EREG: variants seen among roughly 807,000 people sequenced by gnomAD.
EREG encodes epiregulin.
Under a neutral mutation model 22.4 loss-of-function variants are expected in EREG, and 23 were observed. The ratio of observed to expected loss-of-function variants is 1.03; its 90% confidence interval spans 0.74 to 1.46. EREG has a LOEUF of 1.46. EREG is among the 40% of genes most tolerant of loss of function. EREG has a pLI of 0.00. For synonymous variants in EREG, 100 were observed against 75.4 expected, an observed-to-expected ratio of 1.33 and a Z score of -1.69; for missense variants, 226 against 205.9, an observed-to-expected ratio of 1.10 and a Z score of -0.60.
At chr4:74,367,745 T>C (rs1752210585) in intron 1 of EREG, among the ~76,000 whole-genome samples, 1 of 152,164 alleles carries the variant, frequency 6.6e-6, no homozygotes, top group African/African-American at 2.4e-5. Flanking sequence ...AGATGACAAA[T>C]CTTGTCAGAA....
Position 74,384,866 on chromosome 4 carries a change from C to A in EREG, c.*58C>A. On this transcript the variant is annotated 3_prime_UTR_variant, in exon 5 of 5. Coordinates refer to ENST00000244869, the MANE Select transcript of EREG (RefSeq NM_001432.3). ...AGTGTGCCTGGTTAATATTAATATT[C>A]CCATTTTATTAATAATATTTATGTT... 1 of 937,308 alleles carries A rather than the reference C, an allele frequency of 1.1e-6. No homozygotes were observed. The highest frequency in any genetic ancestry group is 1.5e-5 in the South Asian group (1 of 65,948). The allele number at this position is 937,308 out of a possible 1,614,324, so 58.1% of individuals were successfully genotyped here.
intron 1 of EREG, among the ~76,000 whole-genome samples, chr4:74,373,281 A>G (rs991814908): frequency 1.3e-5 from 2 of 152,090 alleles, no homozygotes; most frequent in Non-Finnish European, 2.9e-5. Flanking sequence ...ATATATTAGC[A>G]TTTGAAGTAT....
At chr4:74,368,905 A>G (rs1336958665) in intron 1 of EREG, among the ~76,000 whole-genome samples, 1 of 152,158 alleles carries the variant, frequency 6.6e-6, no homozygotes, top group African/African-American at 2.4e-5. Context: ...GCAATTCTGG[A>G]ACCTTTGAAA....
intron 4 of EREG, among the ~76,000 whole-genome samples, chr4:74,383,061 T>G (rs891741629): frequency 2.0e-5 from 3 of 152,218 alleles, no homozygotes; most frequent in Admixed American, 2.0e-4. Flanking sequence ...TTGAAATTAT[T>G]TTTTAAAAAT....
At chr4:74,374,366 G>A (rs988062673) in intron 1 of EREG, among the ~76,000 whole-genome samples, 1 of 152,026 alleles carries the variant, frequency 6.6e-6, no homozygotes, top group Middle Eastern at 3.2e-3. Flanking sequence ...TGAGCCCTCA[G>A]TGCAATCCTT....
intron 1 of EREG, among the ~76,000 whole-genome samples, chr4:74,376,328 A>G (rs534189593): frequency 6.6e-6 from 1 of 152,306 alleles, no homozygotes; most frequent in South Asian, 2.1e-4. Flanking sequence ...AGAATTGGTA[A>G]TGTCTCCTCC....
In EREG at chr4:74,385,441, A is replaced by T. The variant is rs1170564115; in HGVS notation, c.*633A>T. The T allele has an allele frequency of 6.5e-6, 1 of 154,148 alleles. No individual in the cohort carries two copies. The highest frequency in any genetic ancestry group is 2.4e-5 in the African/African-American group (1 of 41,568). The allele number at this position is 154,148 out of a possible 1,614,324, so 9.5% of individuals were successfully genotyped here. A position where few individuals can be genotyped will look rare whatever the true frequency, so the allele number is the denominator to read the frequency against. ...GGGCAGTGGACAGTTCCCTATGCCAACTCACGACTCCTACAGGTACTAGTC... is the reference window on the plus strand; with the variant it reads ...GGGCAGTGGACAGTTCCCTATGCCATCTCACGACTCCTACAGGTACTAGTC... On this transcript the variant is annotated 3_prime_UTR_variant, in exon 5 of 5. Transcript: ENST00000244869.
intron 3 of EREG, 44 bp downstream of exon 3, chr4:74,381,181 T>G: frequency 6.3e-7 from 1 of 1,582,598 alleles, no homozygotes; most frequent in Non-Finnish European, 8.6e-7. Context: ...AAAATTTTGT[T>G]TTATAGATTT....
In EREG at chr4:74,384,737, C is replaced by T. The variant is rs376236920; in HGVS notation, c.439C>T (p.Arg147Ter). The T allele has an allele frequency of 3.6e-5, 58 of 1,608,878 alleles. No homozygotes were observed. Among genetic ancestry groups the T allele is most frequent in the South Asian group, 7.7e-5 (7 of 90,846 alleles). ...TGTGAATATTTCCAGGTACAGAAATCGAAAAAGTAAAGAACCAAAGAAGGA... is the reference window on the plus strand; with the variant it reads ...TGTGAATATTTCCAGGTACAGAAATTGAAAAAGTAAAGAACCAAAGAAGGA... ...TYYFCRWYRN[R>*]KSKEPKKEYE... The change falls in exon 5 of 5, where the codon CGA becomes TGA. Residue 147 changes from arginine to a stop codon, truncating the protein, a stop_gained. Transcript: ENST00000244869. LOFTEE classifies it high-confidence loss of function.
In EREG at chr4:74,385,588, A is replaced by T; in HGVS notation, c.*780A>T. 1 of 285,882 alleles carries T rather than the reference A, an allele frequency of 3.5e-6. No homozygotes were observed. The highest frequency in any genetic ancestry group is 6.4e-6 in the Non-Finnish European group (1 of 155,720). The allele number at this position is 285,882 out of a possible 1,614,324, so 17.7% of individuals were successfully genotyped here. ...TCCTTTTTTGTATATTACAACATTTATGTGAGGTAATTATTGCTCAACAGA... is the reference window on the plus strand; with the variant it reads ...TCCTTTTTTGTATATTACAACATTTTTGTGAGGTAATTATTGCTCAACAGA... On this transcript the variant is annotated 3_prime_UTR_variant, in exon 5 of 5. Transcript: ENST00000244869.
rs924906394 is a variant in EREG at position 74,385,767 on chromosome 4, A to C, written c.*959A>C. ...TTATTATTTTAAAATATATGAAGAC[A>C]ATAATTCTACATGTTGTCTTAAGAT... On this transcript the variant is annotated 3_prime_UTR_variant, in exon 5 of 5. Transcript: ENST00000244869. The C allele has an allele frequency of 5.1e-6, 2 of 388,886 alleles. No homozygotes were observed. The highest frequency in any genetic ancestry group is 9.1e-6 in the Non-Finnish European group (2 of 219,640). 24.1% of individuals were successfully genotyped at this position (388,886 alleles called of 1,614,324 possible).
chr4:74,365,680 T>TG (rs11410236), intron 1 of EREG, among the ~76,000 whole-genome samples: 1 of 150,050 alleles, frequency 6.7e-6, no homozygotes, highest in Non-Finnish European at 1.5e-5. Context: ...TTTTTTTTTT[T>TG]GAAAAGTTGC....
intron 1 of EREG, among the ~76,000 whole-genome samples, chr4:74,379,140 C>A (rs1355972718): frequency 1.3e-5 from 2 of 152,206 alleles, no homozygotes; most frequent in African/African-American, 4.8e-5. Flanking sequence ...AATTCTCCAA[C>A]TGATGTGCGT....
chr4:74,371,197 C>G (rs768920251), intron 1 of EREG, among the ~76,000 whole-genome samples: 4 of 151,976 alleles, frequency 2.6e-5, no homozygotes, highest in Non-Finnish European at 5.9e-5. Flanking sequence ...ATAAAATATA[C>G]TTTTTTTTAA....
At chr4:74,369,717 A>G (rs1752258150) in intron 1 of EREG, among the ~76,000 whole-genome samples, 1 of 152,162 alleles carries the variant, frequency 6.6e-6, no homozygotes. Flanking sequence ...GTCTTGAACT[A>G]AGAGGCATAG....
chr4:74,371,313 C>A (rs1752286323), intron 1 of EREG, among the ~76,000 whole-genome samples: 1 of 152,006 alleles, frequency 6.6e-6, no homozygotes, highest in South Asian at 2.1e-4. Flanking sequence ...ATATAAAGCC[C>A]ATTCTCATGT....
chr4:74,382,707 T>C lies in EREG; in HGVS notation c.341T>C (p.Leu114Ser). The C allele has an allele frequency of 6.2e-7, 1 of 1,613,890 alleles. No homozygotes were observed. Among genetic ancestry groups the C allele is most frequent in the South Asian group, 1.1e-5 (1 of 91,076 alleles). ...EHFFLTVHQP[L>S]SKEYVALTVI... ...TTCTTTTTAACCGTCCACCAACCTT[T>C]AAGCAAAGAATATGTGGCTTTGACC... The change falls in exon 4 of 5, where the codon TTA becomes TCA. Residue 114 changes from leucine (L) to serine (S), a missense_variant. Transcript: ENST00000244869.
chr4:74,377,175 AC>A (rs1044629905), intron 1 of EREG, among the ~76,000 whole-genome samples: 41 of 150,976 alleles, frequency 2.7e-4, no homozygotes, highest in Non-Finnish European at 4.7e-4. Flanking sequence ...AAAAAAAAAA[AC>A]ATTAGTTTAT....
chr4:74,366,783 G>T (rs1236189476), intron 1 of EREG, among the ~76,000 whole-genome samples: 1 of 152,146 alleles, frequency 6.6e-6, no homozygotes, highest in Non-Finnish European at 1.5e-5. Context: ...TGTCATGAAA[G>T]TGCTTACCTC....
Sources: gnomAD v4.1 joint callset for allele counts (sites outside exome capture counted in the v4.1 genomes callset) on GRCh38, gnomAD v4.1.1 for gene constraint, MANE v1.5 for transcripts, NCBI Gene and HGNC (gene_info 2026-07-23, HGNC 2026-07-21) for gene names.